The following ACSBG2 variants were observed in gnomAD, a reference collection of about 807,000 sequenced individuals.
ACSBG2 encodes long-chain-fatty-acid--CoA ligase ACSBG2.
A neutral mutation model predicts 74.7 loss-of-function variants in ACSBG2; 62 were observed. The observed-to-expected ratio is 0.83, with a 90% CI of 0.68 to 1.03. The LOEUF (loss-of-function observed/expected upper bound fraction) is 1.03. Ranked by LOEUF, ACSBG2 falls within the 50% of genes least tolerant of loss-of-function variation. ACSBG2 has a pLI of 0.00. For synonymous variants in ACSBG2, 309 were observed against 294.1 expected, an observed-to-expected ratio of 1.05 and a Z score of -0.52; for missense variants, 730 against 817.6, an observed-to-expected ratio of 0.89 and a Z score of 1.31.
chr19:6,136,149 A>AGGCTGGAGTGCAGT (rs201733262), intron 1 of ACSBG2, among the ~76,000 whole-genome samples: 1,633 of 145,308 alleles, frequency 0.011, 28 homozygotes, highest in African/African-American at 0.029. Context: ...TCTGTTGCCC[A>AGGCTGGAGTGCAGT]GGCGCAATCT....
chr19:6,153,436 A>T (rs1248857648), intron 4 of ACSBG2, among the ~76,000 whole-genome samples: 1 of 152,114 alleles, frequency 6.6e-6, no homozygotes, highest in Non-Finnish European at 1.5e-5. Flanking sequence ...TCTTCCCCAG[A>T]ATCATGCTGT....
At chr19:6,189,493 C>A (rs1191012504) in intron 13 of ACSBG2, among the ~76,000 whole-genome samples, 1 of 151,694 alleles carries the variant, frequency 6.6e-6, no homozygotes, top group Non-Finnish European at 1.5e-5. Context: ...CCTGTCCCCT[C>A]TACACAGGGA....
In ACSBG2 at chr19:6,180,156, T is replaced by A. The variant is rs188846366; in HGVS notation, c.907-2595T>A. ...CTGTGATGACATTGGGCCACCCAGA[T>A]CATCCAGGATGATCTCCCATCTCAA... On this transcript the variant is annotated intron_variant, in intron 8 of 14. Transcript: ENST00000588485. This position sits in a 1 kb window ranked among gnomAD's most constrained non-coding sequence, Gnocchi z 4.3. Among the ~76,000 whole-genome samples the A allele has an allele frequency of 1.0e-3, 156 of 152,218 alleles. 1 individual carries two copies. Among genetic ancestry groups the A allele is most frequent in the South Asian group, 1.0e-3 (5 of 4,824 alleles).
chr19:6,179,962 C>A (rs2145220136), intron 8 of ACSBG2, among the ~76,000 whole-genome samples: 1 of 152,234 alleles, frequency 6.6e-6, no homozygotes, highest in Admixed American at 6.6e-5. Context: ...AATGGTCTCA[C>A]TGGGCTAAAA....
At chr19:6,179,824 G>T (rs868143892) in intron 8 of ACSBG2, among the ~76,000 whole-genome samples, 2 of 152,014 alleles carry the variant, frequency 1.3e-5, no homozygotes, top group African/African-American at 4.8e-5. Flanking sequence ...TGTTGGCAAG[G>T]CTGGTCCTGA....
At chr19:6,184,635 A>T (rs2090346931) in intron 10 of ACSBG2, among the ~76,000 whole-genome samples, 2 of 151,244 alleles carry the variant, frequency 1.3e-5, no homozygotes, top group African/African-American at 2.4e-5. Context: ...AAAAAGACAA[A>T]GAACCCAGAT....
Position 6,141,607 on chromosome 19 carries a change from GA to G in ACSBG2, c.66del (p.Val23LeufsTer16). The G allele has an allele frequency of 1.3e-6, 2 of 1,590,936 alleles. No individual in the cohort carries two copies. The highest frequency in any genetic ancestry group is 1.7e-6 in the Non-Finnish European group (2 of 1,158,886). On this transcript the variant is annotated frameshift_variant and splice_region_variant, in exon 2 of 15. Transcript: ENST00000588485. LOFTEE classifies it high-confidence loss of function. ...TCTTGAAGTAGACATGAATAAAACA[GA>G]AGGTATATTGCACTAAAGAGTACGT... The part of the protein sequence containing the change: ...KDLEVDMNKT[E>X]VTPRLWTTCR...
chr19:6,179,293 A>ATTT lies in ACSBG2; in HGVS notation c.906+1918_906+1920dup, dbSNP rs1169472742. Among the ~76,000 whole-genome samples, 100 of 118,580 alleles carry ATTT rather than the reference A, an allele frequency of 8.4e-4. 1 individual carries two copies. The highest frequency in any genetic ancestry group is 1.4e-3 in the South Asian group (5 of 3,616). The allele number at this position is 118,580 out of a possible 152,430, so 77.8% of individuals were successfully genotyped here. On this transcript the variant is annotated intron_variant, in intron 8 of 14. Coordinates refer to ENST00000588485, the MANE Select transcript of ACSBG2 (RefSeq NM_030924.5). ...AAGAACACTTTGATTTCTTTTCTAA[A>ATTT]TTTTTTTTTTTTTTTTTTTTTTTAG...
chr19:6,145,826 A>G (rs762810719), intron 2 of ACSBG2, among the ~76,000 whole-genome samples: 1 of 152,056 alleles, frequency 6.6e-6, no homozygotes, highest in East Asian at 1.9e-4. Flanking sequence ...AACCCCCTCA[A>G]CAACCTCAAT....
intron 13 of ACSBG2, 196 bp from the exon 14 acceptor site, chr19:6,190,388 C>G: frequency 1.8e-6 from 1 of 550,788 alleles, no homozygotes; most frequent in Non-Finnish European, 3.3e-6. Context: ...TCACAGAATC[C>G]TCACCACAGC....
intron 1 of ACSBG2, among the ~76,000 whole-genome samples, chr19:6,136,506 G>A (rs1277057546): frequency 2.6e-5 from 4 of 151,982 alleles, no homozygotes; most frequent in East Asian, 1.9e-4. Flanking sequence ...GGGATTATAG[G>A]CACGCGCCAC....
intron 3 of ACSBG2, among the ~76,000 whole-genome samples, chr19:6,151,371 A>G (rs1269061108): frequency 6.6e-6 from 1 of 152,064 alleles, no homozygotes; most frequent in Non-Finnish European, 1.5e-5. Context: ...GCAGTGGTGC[A>G]ATCATAGCTC....
intron 6 of ACSBG2, 99 bp from the exon 7 acceptor site, chr19:6,165,767 G>T: frequency 6.9e-7 from 1 of 1,442,460 alleles, no homozygotes; most frequent in Non-Finnish European, 9.5e-7. Flanking sequence ...TCCACCTGCT[G>T]AGGATCATTC....
intron 8 of ACSBG2, among the ~76,000 whole-genome samples, chr19:6,181,828 G>T (rs1258613096): frequency 6.1e-5 from 1 of 16,518 alleles, no homozygotes; most frequent in East Asian, 1.9e-3. Context: ...CCCCCCCAAC[G>T]AAATTTCCTT....
chr19:6,166,293 TGTG>T (rs1414344795), intron 7 of ACSBG2, among the ~76,000 whole-genome samples: 1 of 146,416 alleles, frequency 6.8e-6, no homozygotes, highest in East Asian at 2.0e-4. Context: ...TGTGTGTGTG[TGTG>T]TGTGTGTGTG....
intron 13 of ACSBG2, chr19:6,190,379 C>G (rs1042352597): frequency 7.4e-6 from 4 of 540,014 alleles, no homozygotes; most frequent in Non-Finnish European, 1.3e-5. Flanking sequence ...CCTTCCAGCT[C>G]ACAGAATCCT....
intron 4 of ACSBG2, among the ~76,000 whole-genome samples, chr19:6,154,230 TA>T (rs869211364): frequency 6.6e-6 from 1 of 150,392 alleles, no homozygotes; most frequent in Non-Finnish European, 1.5e-5. Flanking sequence ...CTATCTCTAC[TA>T]AAAAAAACCC....
At chr19:6,156,844 C>T (rs1018184139) in intron 5 of ACSBG2, among the ~76,000 whole-genome samples, 3 of 149,216 alleles carry the variant, frequency 2.0e-5, no homozygotes, top group Admixed American at 6.7e-5. Flanking sequence ...AGTGCAATGT[C>T]GTGATTGTAG....
intron 8 of ACSBG2, among the ~76,000 whole-genome samples, chr19:6,179,229 A>G (rs1024513024): frequency 4.0e-5 from 6 of 150,262 alleles, no homozygotes; most frequent in African/African-American, 7.3e-5. Flanking sequence ...ATTTAGCTGG[A>G]TATCATTCAT....
Sources: allele counts gnomAD v4.1 joint callset (sites outside exome capture counted in the v4.1 genomes callset), GRCh38; gene constraint gnomAD v4.1.1; non-coding constraint Gnocchi (gnomAD v3.1); transcripts MANE v1.5; gene names NCBI Gene and HGNC (gene_info 2026-07-23, HGNC 2026-07-21).